RIN2: variants seen among roughly 807,000 people sequenced by gnomAD.
The protein encoded by RIN2 is Ras and Rab interactor 2.
In RIN2, 36 loss-of-function variants were observed where a neutral mutation model predicts 78.0. The observed-to-expected ratio is 0.46, with a 90% confidence interval of 0.35 to 0.61. The LOEUF (loss-of-function observed/expected upper bound fraction) is 0.61. RIN2 is among the 20% of genes least tolerant of loss of function. RIN2 has a pLI of 0.00. For missense variants in RIN2, 1,087 were observed against 1,159.7 expected (o/e 0.94, Z 0.91); for synonymous variants, 466 against 466.8 (o/e 1.00, Z 0.02).
chr20:19,901,284 G>A (rs533395371), intron 3 of RIN2, among the ~76,000 whole-genome samples: 4 of 152,132 alleles, frequency 2.6e-5, no homozygotes, highest in Non-Finnish European at 4.4e-5. Flanking sequence ...TACTACTGGT[G>A]TCTTTTTCTG....
chr20:19,844,252 A>T lies in RIN2; in HGVS notation c.-37+44505A>T, dbSNP rs967504212. 3.3e-5 allele frequency among the ~76,000 whole-genome samples: 5 copies of T among 152,220 alleles called. No individual in the cohort carries two copies. In the East Asian group the frequency reaches 9.6e-4, roughly 29 times the overall value. The stretch of plus-strand genomic sequence containing the variant: ...CCTCAGATATGTGAGGGATAAAAAA[A>T]CATCACTTGCCTTTGAATCTGGGAC... On this transcript the variant is annotated intron_variant, in intron 2 of 12. Transcript: ENST00000255006.
At chr20:19,883,929 C>A (rs900134753) in intron 2 of RIN2, among the ~76,000 whole-genome samples, 2 of 151,414 alleles carry the variant, frequency 1.3e-5, no homozygotes, top group African/African-American at 4.8e-5. Flanking sequence ...AAAATTGAGG[C>A]ACTGGACATT....
rs2034465352 is a variant in RIN2, at chr20:19,780,477, C to T, written c.-162-19145C>T. ...GCTCAGATGTCACACGCCCTGCTAC[C>T]CACTGAGATCTGGATGTAATGAGCT... On this transcript the variant is annotated intron_variant, in intron 1 of 12. Coordinates refer to ENST00000255006, the MANE Select transcript of RIN2 (RefSeq NM_018993.4). Among the ~76,000 whole-genome samples the T allele has an allele frequency of 2.6e-5, 4 of 152,062 alleles. No homozygotes were observed. The South Asian group carries it at 8.3e-4, about 32-fold the overall frequency.
At chr20:19,992,959 G>A (rs539131808) in intron 11 of RIN2, among the ~76,000 whole-genome samples, 2 of 152,154 alleles carry the variant, frequency 1.3e-5, no homozygotes, top group African/African-American at 2.4e-5. Flanking sequence ...AAATACAGGG[G>A]TGTGGAATCT....
At position 19,956,684 on chromosome 20, in the gene RIN2, C is replaced by G. The variant is rs911696265; in HGVS notation, c.228C>G (p.Gly76=). 6.2e-7 allele frequency: 1 copy of G among 1,612,732 alleles called. No homozygotes were observed. Among genetic ancestry groups the G allele is most frequent in the South Asian group, 1.1e-5 (1 of 90,752 alleles). ...TGAAGACCTGTGCCCGGGACTCAGG[C>G]TATGACAGCCTCTCCAACAGGCTCA... ...EDVKTCARDS[G]YDSLSNRLSI... The change falls in exon 5 of 13, where the codon GGC becomes GGG. Residue 76 remains glycine (G), a synonymous_variant. Transcript: ENST00000255006.
intron 4 of RIN2, among the ~76,000 whole-genome samples, chr20:19,953,749 A>G (rs1290501552): frequency 1.3e-5 from 2 of 152,202 alleles, no homozygotes; most frequent in African/African-American, 4.8e-5. Flanking sequence ...GATTTTTATC[A>G]GCAGCCAGGG....
At chr20:19,928,102 C>T (rs1277770481) in intron 3 of RIN2, among the ~76,000 whole-genome samples, 6 of 152,032 alleles carry the variant, frequency 3.9e-5, no homozygotes, top group African/African-American at 1.4e-4. Context: ...AGGGTTTCAC[C>T]ATGTTGGCCA....
chr20:20,000,926 C>G lies in RIN2; in HGVS notation c.2678C>G (p.Thr893Ser). The G allele has an allele frequency of 1.6e-5, 26 of 1,609,712 alleles. No homozygotes were observed. Among genetic ancestry groups the G allele is most frequent in the Non-Finnish European group, 2.2e-5 (26 of 1,177,920 alleles). ...IIFQNGEEDL[T>S]TS ...TTCCAGAACGGGGAAGAAGACCTCA[C>G]CACCTCCTAGAAGACAGGCGGGACT... Residue 893 changes from threonine to serine, a missense_variant, in exon 13 of 13, where the codon ACC becomes AGC. Physicochemically the swap from Thr to Ser is moderately conservative, Grantham distance 58. This residue lies in a region of RIN2 where 160 missense variants were observed against 179.4 expected (regional missense o/e 0.89). Transcript: ENST00000255006.
intron 1 of RIN2, among the ~76,000 whole-genome samples, chr20:19,760,286 CA>C (rs1416785313): frequency 1.3e-5 from 2 of 152,162 alleles, no homozygotes; most frequent in Non-Finnish European, 2.9e-5. Flanking sequence ...GACTTGCTCT[CA>C]GTAGTTGGAG....
chr20:19,803,514 G>A (rs768641303), intron 2 of RIN2, among the ~76,000 whole-genome samples: 1 of 152,104 alleles, frequency 6.6e-6, no homozygotes, highest in African/African-American at 2.4e-5. Flanking sequence ...TTTAATAAAC[G>A]GTACTAGGAA....
At position 19,975,890 on chromosome 20, in the gene RIN2, C is replaced by T. The variant is rs2042265068; in HGVS notation, c.1762+103C>T. The T allele has an allele frequency of 1.9e-6, 2 of 1,073,886 alleles. No individual in the cohort carries two copies. The highest frequency in any genetic ancestry group is 4.0e-5 in the Admixed American group (2 of 49,746). The allele number at this position is 1,073,886 out of a possible 1,614,324, so 66.5% of individuals were successfully genotyped here. ...ATGAAGTTTACTCCGAAGTTCAAAA[C>T]AACACCCAGCTCCACCTTCTCTCCC... On this transcript the variant is annotated intron_variant, in intron 9 of 12. Coordinates refer to ENST00000255006, the MANE Select transcript of RIN2 (RefSeq NM_018993.4). This position sits in a 1 kb window ranked among gnomAD's most constrained non-coding sequence, Gnocchi z 4.9.
At chr20:19,949,549 A>C (rs1430613082) in intron 4 of RIN2, among the ~76,000 whole-genome samples, 1 of 152,250 alleles carries the variant, frequency 6.6e-6, no homozygotes, top group African/African-American at 2.4e-5. Context: ...ATATCTAGAA[A>C]GTTGTTCACT....
At chr20:19,842,791 T>G (rs528329529) in intron 2 of RIN2, among the ~76,000 whole-genome samples, 6 of 152,046 alleles carry the variant, frequency 3.9e-5, no homozygotes, top group Non-Finnish European at 7.4e-5. Flanking sequence ...AGAACTACAT[T>G]TTGTAAGGCT....
At chr20:19,876,623 G>A (rs1033633055) in intron 2 of RIN2, among the ~76,000 whole-genome samples, 4 of 152,092 alleles carry the variant, frequency 2.6e-5, no homozygotes, top group Middle Eastern at 3.2e-3. Context: ...ACCACATACC[G>A]GCTGGGTGCT....
intron 2 of RIN2, among the ~76,000 whole-genome samples, chr20:19,873,140 T>C (rs2123380514): frequency 6.6e-6 from 1 of 152,228 alleles, no homozygotes; most frequent in East Asian, 1.9e-4. Flanking sequence ...TTATTTTATT[T>C]TTGAGACAGA....
At position 20,001,810 on chromosome 20, in the gene RIN2, C is replaced by CT. The variant is rs2043149739; in HGVS notation, c.*875dup. 6.6e-6 allele frequency: 1 copy of CT among 152,610 alleles called. No homozygotes were observed. Among genetic ancestry groups the CT allele is most frequent in the Admixed American group, 6.5e-5 (1 of 15,290 alleles). The allele number at this position is 152,610 out of a possible 1,614,324, so 9.5% of individuals were successfully genotyped here. ...GAGAAATATGAACTCTAACAAAGGACTGAGGAGTGCAGTCTGCTGGTTCAG... is the reference window on the plus strand; with the variant it reads ...GAGAAATATGAACTCTAACAAAGGACTTGAGGAGTGCAGTCTGCTGGTTCAG... On this transcript the variant is annotated 3_prime_UTR_variant, in exon 13 of 13. Coordinates refer to ENST00000255006, the MANE Select transcript of RIN2 (RefSeq NM_018993.4).
chr20:19,917,349 G>A (rs2039728520), intron 3 of RIN2, among the ~76,000 whole-genome samples: 1 of 152,214 alleles, frequency 6.6e-6, no homozygotes, highest in Non-Finnish European at 1.5e-5. Context: ...CTGAGCCCAG[G>A]AGCTCCAGAG....
At position 19,998,685 on chromosome 20, in the gene RIN2, T is replaced by C. The variant is rs191415440; in HGVS notation, c.2364+1843T>C. On this transcript the variant is annotated intron_variant, in intron 12 of 12. Coordinates refer to ENST00000255006, the MANE Select transcript of RIN2 (RefSeq NM_018993.4). ...CTCATTCTTCTCCATGATTGCAGTA[T>C]GCTCAGAAATTCCTTCTGGAGCGCA... 2.9e-4 allele frequency among the ~76,000 whole-genome samples: 44 copies of C among 152,272 alleles called. No homozygotes were observed. In the East Asian group the frequency reaches 7.2e-3, roughly 25 times the overall value.
chr20:19,910,876 TGA>T (rs1440447003), intron 3 of RIN2, among the ~76,000 whole-genome samples: 5 of 150,516 alleles, frequency 3.3e-5, no homozygotes. Flanking sequence ...AGCCAGGAAG[TGA>T]GTTTATTGAT....
Sources: gnomAD v4.1 joint callset for allele counts (sites outside exome capture counted in the v4.1 genomes callset) on GRCh38, gnomAD v4.1.1 for gene constraint, gnomAD v4.1.1 regional missense constraint, Gnocchi (gnomAD v3.1) non-coding constraint, MANE v1.5 for transcripts, NCBI Gene and HGNC (gene_info 2026-07-23, HGNC 2026-07-21) for gene names.